The following ADAMTSL1 variants were observed in gnomAD, a reference collection of about 807,000 sequenced individuals.
ADAMTSL1 encodes ADAMTS-like protein 1.
Under a neutral mutation model 201.8 loss-of-function variants are expected in ADAMTSL1, and 126 were observed. That is an observed-to-expected ratio of 0.62 (90% CI 0.54 to 0.72). The LOEUF is 0.72. Ranked by LOEUF, ADAMTSL1 falls within the 30% of genes least tolerant of loss-of-function variation. The probability of loss-of-function intolerance (pLI) is 0.00; values close to 1 mark genes in which losing one functional copy is unlikely to be tolerated. For missense variants in ADAMTSL1, 2,679 were observed against 2,277.8 expected, an observed-to-expected ratio of 1.18 and a Z score of -3.59; for synonymous variants, 1,121 against 903.4, an observed-to-expected ratio of 1.24 and a Z score of -4.32.
At chr9:18,078,373 A>G (rs1306856344) in intron 1 of ADAMTSL1, among the ~76,000 whole-genome samples, 1 of 152,186 alleles carries the variant, frequency 6.6e-6, no homozygotes, top group African/African-American at 2.4e-5. Context: ...AGACTCAGAA[A>G]TACAAATGTT....
rs762736185 is a variant in ADAMTSL1, at chr9:18,892,468, C to G, written c.4723C>G (p.Leu1575Val). The change falls in exon 26 of 29, where the codon CTG becomes GTG. Residue 1575 changes from leucine to valine, a missense_variant. Leu to Val is a conservative substitution (Grantham distance 32). Coordinates refer to ENST00000380548, the MANE Select transcript of ADAMTSL1 (RefSeq NM_001040272.6). ...GACCCGCAGGGTGACCTGTCAAAAG[C>G]TGAAAGCCTCTGGGATCTCCACCCC... is the stretch of plus-strand genomic sequence containing the variant. The part of the protein sequence containing the change: ...VQTRRVTCQK[L>V]KASGISTPVS... The G allele has an allele frequency of 6.2e-7, 1 of 1,612,876 alleles. No homozygotes were observed. Among genetic ancestry groups the G allele is most frequent in the Non-Finnish European group, 8.5e-7 (1 of 1,179,546 alleles).
At chr9:18,638,762 T>G in intron 6 of ADAMTSL1, among the ~76,000 whole-genome samples, 1 of 152,114 alleles carries the variant, frequency 6.6e-6, no homozygotes, top group East Asian at 1.9e-4. Context: ...ATAGCATCAG[T>G]GCAGTAAGTA....
At chr9:17,994,727 C>T (rs938057070) in intron 1 of ADAMTSL1, among the ~76,000 whole-genome samples, 5 of 152,146 alleles carry the variant, frequency 3.3e-5, no homozygotes, top group Non-Finnish European at 5.9e-5. Context: ...TAAGACAGTT[C>T]ATTTACAATC....
chr9:18,876,460 T>TTC (rs1828165769), intron 23 of ADAMTSL1, among the ~76,000 whole-genome samples: 1 of 152,122 alleles, frequency 6.6e-6, no homozygotes, highest in African/African-American at 2.4e-5. Context: ...TAGTGGTGAA[T>TTC]TCTCTCAGCA....
intron 23 of ADAMTSL1, among the ~76,000 whole-genome samples, chr9:18,841,895 AT>A (rs1258349797): frequency 2.0e-5 from 3 of 152,066 alleles, no homozygotes; most frequent in African/African-American, 7.2e-5. Context: ...CCCCTTTATC[AT>A]TTTTTATTGC....
intron 15 of ADAMTSL1, among the ~76,000 whole-genome samples, chr9:18,746,526 G>T (rs938614785): frequency 1.4e-4 from 22 of 152,294 alleles, no homozygotes; most frequent in African/African-American, 5.3e-4. Context: ...AATAACTTCA[G>T]TTTGCTCCTA....
chr9:18,867,291 A>G (rs1827592315), intron 23 of ADAMTSL1, among the ~76,000 whole-genome samples: 1 of 152,232 alleles, frequency 6.6e-6, no homozygotes, highest in South Asian at 2.1e-4. Flanking sequence ...AGTTGGACAG[A>G]TTATAAAATA....
At chr9:18,137,379 G>A (rs1219245234) in intron 1 of ADAMTSL1, among the ~76,000 whole-genome samples, 2 of 152,122 alleles carry the variant, frequency 1.3e-5, no homozygotes, top group Non-Finnish European at 2.9e-5. Flanking sequence ...AACTGGGACT[G>A]GCTGAAGCCT....
Position 18,680,476 on chromosome 9 carries a change from T to C in ADAMTSL1, c.1301T>C (p.Ile434Thr), listed in dbSNP as rs140789311. Residue 434 changes from isoleucine (I) to threonine (T), a missense_variant, in exon 11 of 29, where the codon ATT becomes ACT. Coordinates refer to ENST00000380548, the MANE Select transcript of ADAMTSL1 (RefSeq NM_001040272.6). Reference sequence around the variant, plus strand: ...ATGCCCATCGCGCAGCCCTGCAACATTTTTGACTGCCCTAAATGGCTGGCA... The same window carrying C: ...ATGCCCATCGCGCAGCCCTGCAACACTTTTGACTGCCCTAAATGGCTGGCA... ...PKMPIAQPCNIFDCPKWLAQE... is the reference protein window; with the variant it reads ...PKMPIAQPCNTFDCPKWLAQE... The C allele has an allele frequency of 4.4e-4, 711 of 1,614,088 alleles. 3 individuals carry two copies. The African/African-American group carries it at 8.5e-3, about 19-fold the overall frequency.
chr9:18,418,932 A>G (rs1270855852), intron 2 of ADAMTSL1, among the ~76,000 whole-genome samples: 4 of 152,242 alleles, frequency 2.6e-5, no homozygotes, highest in African/African-American at 9.6e-5. Flanking sequence ...ATGCAGTTTT[A>G]ATACTTACTA....
At chr9:18,367,467 GC>G (rs1264001336) in intron 2 of ADAMTSL1, among the ~76,000 whole-genome samples, 1 of 151,694 alleles carries the variant, frequency 6.6e-6, no homozygotes, top group African/African-American at 2.4e-5. Context: ...CCCTAGGGTT[GC>G]CATTTGCTAG....
intron 2 of ADAMTSL1, among the ~76,000 whole-genome samples, chr9:18,217,340 T>G (rs990712605): frequency 6.6e-6 from 1 of 152,180 alleles, no homozygotes; most frequent in Non-Finnish European, 1.5e-5. Flanking sequence ...TTTTTTTCAC[T>G]GCATCACTGT....
intron 23 of ADAMTSL1, among the ~76,000 whole-genome samples, chr9:18,845,310 A>G (rs1826034322): frequency 6.6e-6 from 1 of 152,222 alleles, no homozygotes; most frequent in Non-Finnish European, 1.5e-5. Flanking sequence ...GCCTTTTCTC[A>G]TGCCTTGTGA....
At chr9:18,230,474 G>T (rs916679378) in intron 2 of ADAMTSL1, among the ~76,000 whole-genome samples, 1 of 152,124 alleles carries the variant, frequency 6.6e-6, no homozygotes, top group Admixed American at 6.5e-5. Context: ...TTGGGGAAAT[G>T]CCCTCATGTG....
At chr9:18,479,969 A>G (rs930754941) in intron 1 of ADAMTSL1, among the ~76,000 whole-genome samples, 1 of 152,224 alleles carries the variant, frequency 6.6e-6, no homozygotes, top group African/African-American at 2.4e-5. Flanking sequence ...TCTTTTAAAT[A>G]TACGTAGCCA....
intron 1 of ADAMTSL1, among the ~76,000 whole-genome samples, chr9:18,085,597 T>C (rs1169967654): frequency 2.8e-5 from 4 of 144,130 alleles, no homozygotes; most frequent in Non-Finnish European, 6.1e-5. Context: ...TGTGTATACG[T>C]ATATACACTG....
chr9:18,859,253 G>C (rs573604084), intron 23 of ADAMTSL1, among the ~76,000 whole-genome samples: 93 of 152,262 alleles, frequency 6.1e-4, no homozygotes, highest in African/African-American at 2.1e-3. Context: ...AAATATATTC[G>C]TCTTTTCCAG....
intron 2 of ADAMTSL1, among the ~76,000 whole-genome samples, chr9:18,275,540 A>C (rs1832552707): frequency 6.6e-6 from 1 of 152,152 alleles, no homozygotes. Context: ...AGCCCTAGGC[A>C]ACTACTGATC....
At chr9:18,288,762 T>A (rs773059960) in intron 2 of ADAMTSL1, among the ~76,000 whole-genome samples, 1 of 152,242 alleles carries the variant, frequency 6.6e-6, no homozygotes, top group Non-Finnish European at 1.5e-5. Context: ...CCCTCAGGTC[T>A]CTTCAGCCTG....
Sources: gnomAD v4.1 joint callset for allele counts (sites outside exome capture counted in the v4.1 genomes callset) on GRCh38, gnomAD v4.1.1 for gene constraint, MANE v1.5 for transcripts, NCBI Gene and HGNC (gene_info 2026-07-23, HGNC 2026-07-21) for gene names.